DGKB: variants seen among roughly 807,000 people sequenced by gnomAD.
DGKB encodes diacylglycerol kinase beta.
A neutral mutation model predicts 114.3 loss-of-function variants in DGKB; 67 were observed. The ratio of observed to expected loss-of-function variants is 0.59; its 90% CI spans 0.48 to 0.72. DGKB has a LOEUF of 0.72. Among genes scored for constraint, DGKB ranks in the 30% least tolerant of loss-of-function variants. The pLI, the probability that DGKB is intolerant of heterozygous loss-of-function variation, is 0.00. For missense variants in DGKB, 907 were observed against 975.2 expected (o/e 0.93, Z 0.93); for synonymous variants, 398 against 323.1 (o/e 1.23, Z -2.49).
At chr7:14,405,638 A>C (rs1472584411) in intron 21 of DGKB, among the ~76,000 whole-genome samples, 1 of 152,056 alleles carries the variant, frequency 6.6e-6, no homozygotes, top group Non-Finnish European at 1.5e-5. Flanking sequence ...CTTGAGCTAT[A>C]ACCAAGTTGG....
chr7:14,447,890 C>T (rs1830947176), intron 21 of DGKB, among the ~76,000 whole-genome samples: 1 of 152,026 alleles, frequency 6.6e-6, no homozygotes, highest in Non-Finnish European at 1.5e-5. Context: ...ATGATTTAAT[C>T]TGATTTTTAG....
chr7:14,793,281 G>A (rs17168437), intron 2 of DGKB, among the ~76,000 whole-genome samples: 14,344 of 152,084 alleles, frequency 0.094, 815 homozygotes, highest in East Asian at 0.24. Flanking sequence ...TTTAGATTCA[G>A]AAAAGACAAT....
At chr7:14,439,733 A>G (rs1312528669) in intron 21 of DGKB, among the ~76,000 whole-genome samples, 1 of 151,754 alleles carries the variant, frequency 6.6e-6, no homozygotes, top group African/African-American at 2.4e-5. Context: ...GCATGGTGGC[A>G]GGTGCCTGTA....
chr7:14,728,590 T>G (rs1830365001), intron 5 of DGKB, among the ~76,000 whole-genome samples: 1 of 152,206 alleles, frequency 6.6e-6, no homozygotes, highest in African/African-American at 2.4e-5. Context: ...GAGCATCATC[T>G]GCTCTGGGAT....
chr7:14,820,900 G>T (rs760880834), intron 2 of DGKB, among the ~76,000 whole-genome samples: 15 of 152,080 alleles, frequency 9.9e-5, no homozygotes, highest in Non-Finnish European at 1.9e-4. Flanking sequence ...GTCCACAGAA[G>T]ACTTTTTGGG....
At chr7:14,873,966 G>A (rs1387961737) in intron 1 of DGKB, among the ~76,000 whole-genome samples, 1 of 151,970 alleles carries the variant, frequency 6.6e-6, no homozygotes, top group Non-Finnish European at 1.5e-5. Context: ...ATAGAATGCT[G>A]TATTACTAAC....
rs368672727 is a variant in DGKB, at chr7:14,899,187, A to C, written c.-188+3405T>G. On this transcript the variant is annotated intron_variant, in intron 1 of 25. Coordinates refer to ENST00000402815, the MANE Select transcript of DGKB (RefSeq NM_001350709.2). ...ATTTTGTTTTTATCCTCACCAGTTA[A>C]AGATGGCTTTTGCTTCCTGGCAAAT... is the stretch of plus-strand genomic sequence containing the variant. 5.9e-5 allele frequency among the ~76,000 whole-genome samples: 9 copies of C among 152,136 alleles called. No homozygotes were observed. The East Asian group carries it at 1.5e-3, about 26-fold the overall frequency.
intron 20 of DGKB, among the ~76,000 whole-genome samples, chr7:14,499,503 C>T (rs1259133828): frequency 1.3e-5 from 2 of 151,756 alleles, no homozygotes; most frequent in Non-Finnish European, 3.0e-5. Context: ...TCCCTTCTGG[C>T]TTAAGTCTTC....
intron 21 of DGKB, among the ~76,000 whole-genome samples, chr7:14,415,886 T>C (rs1465785880): frequency 6.6e-6 from 1 of 152,060 alleles, no homozygotes; most frequent in East Asian, 1.9e-4. Context: ...CAGTCCCACC[T>C]ACAGTGTAAA....
intron 13 of DGKB, among the ~76,000 whole-genome samples, chr7:14,655,393 C>T (rs1205321982): frequency 6.6e-6 from 1 of 151,658 alleles, no homozygotes; most frequent in Non-Finnish European, 1.5e-5. Flanking sequence ...ATAAGAAATA[C>T]TGGCTAGGAT....
chr7:14,884,816 A>G (rs1283437792), intron 1 of DGKB, among the ~76,000 whole-genome samples: 2 of 152,006 alleles, frequency 1.3e-5, no homozygotes, highest in African/African-American at 4.8e-5. Context: ...AACAGAAAAG[A>G]TACTAAATAT....
chr7:14,448,334 TG>T (rs1345429909), intron 21 of DGKB, among the ~76,000 whole-genome samples: 1 of 152,002 alleles, frequency 6.6e-6, no homozygotes, highest in African/African-American at 2.4e-5. Flanking sequence ...ATGTGTAATT[TG>T]GGGGTAGAGA....
chr7:14,848,677 T>A (rs1036602726), intron 1 of DGKB, among the ~76,000 whole-genome samples: 1 of 152,216 alleles, frequency 6.6e-6, no homozygotes, highest in African/African-American at 2.4e-5. Flanking sequence ...TACTTCTTCT[T>A]GTCTTCAGAA....
chr7:14,216,725 CAAAAAAAAAA>C (rs755191130), intron 23 of DGKB, among the ~76,000 whole-genome samples: 1 of 50,352 alleles, frequency 2.0e-5, no homozygotes, highest in African/African-American at 7.1e-5. Context: ...GACTCCGTCT[CAAAAAAAAAA>C]AAAAAAAAAA....
At chr7:14,610,061 A>G (rs1805243787) in intron 16 of DGKB, among the ~76,000 whole-genome samples, 1 of 152,072 alleles carries the variant, frequency 6.6e-6, no homozygotes. Flanking sequence ...CCAAAAAGAT[A>G]CATGCACTTT....
chr7:14,173,341 TACATA>T (rs1450430615), intron 25 of DGKB, among the ~76,000 whole-genome samples: 1 of 152,190 alleles, frequency 6.6e-6, no homozygotes, highest in East Asian at 1.9e-4. Context: ...TGGTAAAATA[TACATA>T]ACATAAAATT....
At chr7:14,706,120 G>T (rs1826178273) in intron 6 of DGKB, among the ~76,000 whole-genome samples, 1 of 141,400 alleles carries the variant, frequency 7.1e-6, no homozygotes, top group Non-Finnish European at 1.5e-5. Flanking sequence ...GATGGAGGAA[G>T]ATCTACCAAG....
intron 4 of DGKB, chr7:14,750,061 T>G (rs1007264693): frequency 2.0e-6 from 1 of 501,254 alleles, no homozygotes; most frequent in Non-Finnish European, 4.0e-6. Context: ...CTAAATATGT[T>G]ATATGTGTGC....
At position 14,718,554 on chromosome 7, in the gene DGKB, C is replaced by T. The variant is rs1473905441; in HGVS notation, c.454G>A (p.Asp152Asn). 1 of 1,611,634 alleles carries T rather than the reference C, an allele frequency of 6.2e-7. No homozygotes were observed. Among genetic ancestry groups the T allele is most frequent in the Non-Finnish European group, 8.5e-7 (1 of 1,179,088 alleles). Residue 152 changes from aspartate to asparagine, a missense_variant, in exon 6 of 26, where the codon GAT becomes AAT. Physicochemically the swap from Asp to Asn is conservative, Grantham distance 23. Transcript: ENST00000402815. ...LSLLERGRPE[D>N]KLEFMFRLYD... is the part of the protein sequence containing the mutation. ...AAGAAACACATACACTCAAGCTTAT[C>T]CTCAGGTCTTCCTCTTTCAAGCAGA...
Sources: gnomAD v4.1 joint callset for allele counts (sites outside exome capture counted in the v4.1 genomes callset) on GRCh38, gnomAD v4.1.1 for gene constraint, MANE v1.5 for transcripts, NCBI Gene and HGNC (gene_info 2026-07-23, HGNC 2026-07-21) for gene names.